DOCK8: variants seen among roughly 807,000 people sequenced by gnomAD.
DOCK8 encodes the protein dedicator of cytokinesis 8.
A neutral mutation model predicts 245.6 loss-of-function variants in DOCK8; 141 were observed. The observed-to-expected ratio is 0.57, with a 90% confidence interval of 0.50 to 0.66. DOCK8 has a LOEUF of 0.66. Ranked by LOEUF, DOCK8 falls within the 30% of genes least tolerant of loss-of-function variation. The pLI, the probability that DOCK8 is intolerant of heterozygous loss-of-function variation, is 0.00. For synonymous variants in DOCK8, 1,168 were observed against 970.2 expected (o/e 1.20, Z -3.79); for missense variants, 2,965 against 2,603.4 (o/e 1.14, Z -3.02).
chr9:407,123 T>A, intron 28 of DOCK8, 54 bp downstream of exon 28: 1 of 1,611,946 alleles, frequency 6.2e-7, no homozygotes, highest in Non-Finnish European at 8.5e-7. Flanking sequence ...AGATGTTCTT[T>A]AATAAAATTT....
chr9:426,943 C>T lies in DOCK8; in HGVS notation c.4300C>T (p.His1434Tyr), dbSNP rs2056526166. 2 of 1,614,070 alleles carry T rather than the reference C, an allele frequency of 1.2e-6. No individual in the cohort carries two copies. Among genetic ancestry groups the T allele is most frequent in the South Asian group, 1.1e-5 (1 of 91,072 alleles). Residue 1434 changes from histidine (H) to tyrosine (Y), a missense_variant, in exon 34 of 48, where the codon CAT (histidine) becomes TAT (tyrosine). This residue lies in a region of DOCK8 where 2,825 missense variants were observed against 2,453.5 expected (regional missense o/e 1.15). Transcript: ENST00000432829. ...CAGTGGCAATCTGGCTACAGAAGCA[C>T]ATTTAATCATCCTGGATATGCAGGA... Reference protein sequence around the residue: ...LISGNLATEAHLIILDMQENI... With the variant: ...LISGNLATEAYLIILDMQENI...
At chr9:241,291 C>G (rs2047367804) in intron 1 of DOCK8, among the ~76,000 whole-genome samples, 2 of 152,118 alleles carry the variant, frequency 1.3e-5, no homozygotes, top group South Asian at 4.1e-4. Flanking sequence ...TGTTAACTAC[C>G]TCATCCCACA....
At chr9:391,355 A>T (rs961657826) in intron 24 of DOCK8, among the ~76,000 whole-genome samples, 4 of 151,928 alleles carry the variant, frequency 2.6e-5, no homozygotes, top group African/African-American at 9.7e-5. Context: ...CAGCGGTTAG[A>T]TTTTCAGGAT....
intron 1 of DOCK8, among the ~76,000 whole-genome samples, chr9:251,607 A>G (rs1381617744): frequency 1.3e-5 from 2 of 152,200 alleles, no homozygotes; most frequent in Admixed American, 6.5e-5. Flanking sequence ...ATTTTCCAGT[A>G]GGGCTATCTT....
chr9:344,121 C>T (rs1243628995), intron 14 of DOCK8, among the ~76,000 whole-genome samples: 2 of 152,068 alleles, frequency 1.3e-5, no homozygotes, highest in African/African-American at 4.8e-5. Flanking sequence ...GTGCCAAGGA[C>T]ACCCCGTTAG....
intron 23 of DOCK8, among the ~76,000 whole-genome samples, chr9:386,656 C>G (rs914891093): frequency 1.3e-5 from 2 of 152,192 alleles, no homozygotes; most frequent in East Asian, 3.8e-4. Flanking sequence ...TCAGAATTAC[C>G]TGGAAGCCTT....
At chr9:446,288 T>C in intron 43 of DOCK8, 82 bp from the exon 44 acceptor site, 1 of 1,173,492 alleles carries the variant, frequency 8.5e-7, no homozygotes, top group African/African-American at 1.5e-5. Flanking sequence ...GCACGCCGTG[T>C]TCCTGCATGC....
At chr9:240,493 G>A (rs1174433931) in intron 1 of DOCK8, among the ~76,000 whole-genome samples, 2 of 151,632 alleles carry the variant, frequency 1.3e-5, no homozygotes, top group South Asian at 2.1e-4. Context: ...GCCCTCTGTA[G>A]GCAATTAAAT....
intron 1 of DOCK8, among the ~76,000 whole-genome samples, chr9:268,828 T>C (rs1036440995): frequency 2.0e-5 from 3 of 152,212 alleles, no homozygotes; most frequent in Non-Finnish European, 2.9e-5. Context: ...TTGAGTCCTG[T>C]GGTGCCAAAC....
At chr9:219,427 G>A (rs2046835307) in intron 1 of DOCK8, among the ~76,000 whole-genome samples, 1 of 152,090 alleles carries the variant, frequency 6.6e-6, no homozygotes, top group African/African-American at 2.4e-5. Context: ...GCTGAGATGT[G>A]CCACTGCATT....
Position 458,499 on chromosome 9 carries a change from G to C in DOCK8, c.6069-5018G>C, listed in dbSNP as rs530375641. ...TTGTCTGCCACACTGAGGAACCCAT[G>C]TATGGGCTGTGCTGAAAAAGGGGGG... On this transcript the variant is annotated intron_variant, in intron 46 of 47. Transcript: ENST00000432829. 3.3e-5 allele frequency: 5 copies of C among 152,406 alleles called. No individual in the cohort carries two copies. In the South Asian group the frequency reaches 1.0e-3, roughly 32 times the overall value. 9.4% of individuals were successfully genotyped at this position (152,406 alleles called of 1,614,324 possible).
intron 1 of DOCK8, among the ~76,000 whole-genome samples, chr9:237,498 T>C (rs923102958): frequency 2.5e-4 from 38 of 152,176 alleles, no homozygotes; most frequent in African/African-American, 8.7e-4. Context: ...CTACAAAAAA[T>C]ACAAAAATTA....
At chr9:434,343 T>C (rs2056820436) in intron 38 of DOCK8, among the ~76,000 whole-genome samples, 1 of 152,220 alleles carries the variant, frequency 6.6e-6, no homozygotes, top group Non-Finnish European at 1.5e-5. Flanking sequence ...TTAGAAATCA[T>C]TTTTTACGCG....
At chr9:415,585 A>G (rs940016564) in intron 29 of DOCK8, among the ~76,000 whole-genome samples, 1 of 152,216 alleles carries the variant, frequency 6.6e-6, no homozygotes, top group South Asian at 2.1e-4. Flanking sequence ...ATGTAGAGGG[A>G]AAAAAATCCT....
At chr9:458,604 G>A (rs2057712460) in intron 46 of DOCK8, among the ~76,000 whole-genome samples, 1 of 152,160 alleles carries the variant, frequency 6.6e-6, no homozygotes, top group Non-Finnish European at 1.5e-5. Flanking sequence ...GAGCTCACAA[G>A]TTCGAGACCA....
chr9:330,015 C>T (rs1187061806), intron 9 of DOCK8, among the ~76,000 whole-genome samples: 2 of 152,172 alleles, frequency 1.3e-5, no homozygotes, highest in Non-Finnish European at 2.9e-5. Flanking sequence ...TGGTGTTAAA[C>T]TATTTAGCAC....
intron 26 of DOCK8, among the ~76,000 whole-genome samples, chr9:400,836 C>A (rs1341527747): frequency 1.6e-4 from 19 of 119,582 alleles, no homozygotes; most frequent in Non-Finnish European, 2.3e-4. Context: ...ATCACCATCA[C>A]CACCACCTCC....
chr9:464,122 C>T, intron 47 of DOCK8, 37 bp from the exon 48 acceptor site: 18 of 1,563,916 alleles, frequency 1.2e-5, no homozygotes, highest in Non-Finnish European at 1.5e-5. Flanking sequence ...TCTGTACGCT[C>T]TCTTTCCCTC....
chr9:340,480 G>A lies in DOCK8; in HGVS notation c.1679+159G>A, dbSNP rs554566734. ...TACAACATATACAAAATTTAGCTGG[G>A]CATGGTGGTGCATGCTTGTAATCCC... On this transcript the variant is annotated intron_variant, in intron 14 of 47. Coordinates refer to ENST00000432829, the MANE Select transcript of DOCK8 (RefSeq NM_203447.4). The A allele has an allele frequency of 8.8e-5, 73 of 833,804 alleles. 1 individual carries two copies. In the South Asian group the frequency reaches 1.1e-3, roughly 13 times the overall value. 51.7% of individuals were successfully genotyped at this position (833,804 alleles called of 1,614,324 possible). A position where few individuals can be genotyped will look rare whatever the true frequency, so the allele number is the denominator to read the frequency against.
Sources: gnomAD v4.1 joint callset for allele counts (sites outside exome capture counted in the v4.1 genomes callset) on GRCh38, gnomAD v4.1.1 for gene constraint, gnomAD v4.1.1 regional missense constraint, MANE v1.5 for transcripts, NCBI Gene and HGNC (gene_info 2026-07-23, HGNC 2026-07-21) for gene names.